STARD9: variants seen among roughly 807,000 people sequenced by gnomAD.
STARD9 encodes StAR related lipid transfer domain containing 9.
In STARD9, 346 loss-of-function variants were observed where a neutral mutation model predicts 399.8. The observed-to-expected ratio is 0.87, with a 90% confidence interval of 0.79 to 0.95. The LOEUF (loss-of-function observed/expected upper bound fraction) is 0.95. STARD9 is among the 40% of genes least tolerant of loss of function. STARD9 has a pLI of 0.00. For synonymous variants in STARD9, 2,203 were observed against 2,143.5 expected (o/e 1.03, Z -0.77); for missense variants, 5,832 against 5,667.5 (o/e 1.03, Z -0.93).
chr15:42,612,090 C>T (rs1595632809), intron 3 of STARD9, among the ~76,000 whole-genome samples: 1 of 152,128 alleles, frequency 6.6e-6, no homozygotes, highest in Non-Finnish European at 1.5e-5. Context: ...TGTCTCAGGG[C>T]CTTAGCCTCC....
intron 26 of STARD9, among the ~76,000 whole-genome samples, chr15:42,711,914 C>G: frequency 6.8e-6 from 1 of 147,068 alleles, no homozygotes; most frequent in Non-Finnish European, 1.5e-5. Context: ...TACCTTCCCA[C>G]GAGCAGTATA....
At chr15:42,609,186 A>G (rs952814358) in intron 3 of STARD9, among the ~76,000 whole-genome samples, 8 of 152,184 alleles carry the variant, frequency 5.3e-5, no homozygotes, top group Non-Finnish European at 1.0e-4. Flanking sequence ...CAAAGAGAAA[A>G]CTAAAAGCTA....
chr15:42,716,922 T>G lies in STARD9; in HGVS notation c.13373-5T>G. 6.5e-7 allele frequency: 1 copy of G among 1,537,212 alleles called. No homozygotes were observed. The highest frequency in any genetic ancestry group is 1.2e-5 in the South Asian group (1 of 84,064). ...TATCACAGGGCCTCCACCTATTTCTTGTAGGCCACAGAGCCTCCCTGGGCA... is the reference window on the plus strand; with the variant it reads ...TATCACAGGGCCTCCACCTATTTCTGGTAGGCCACAGAGCCTCCCTGGGCA... On this transcript the variant is annotated splice_region_variant and splice_polypyrimidine_tract_variant and intron_variant, in intron 27 of 32. Transcript: ENST00000290607.
At chr15:42,700,488 A>G (rs1025965885) in intron 26 of STARD9, among the ~76,000 whole-genome samples, 4 of 152,128 alleles carry the variant, frequency 2.6e-5, no homozygotes, top group African/African-American at 7.2e-5. Flanking sequence ...GAGCGAAGTG[A>G]TATTTCATTG....
At chr15:42,643,518 C>A (rs2059582908) in intron 7 of STARD9, among the ~76,000 whole-genome samples, 1 of 151,624 alleles carries the variant, frequency 6.6e-6, no homozygotes, top group Non-Finnish European at 1.5e-5. Context: ...TAAAAAAAAA[C>A]AGAGTCTCGC....
In STARD9 at chr15:42,691,432, C is replaced by T; in HGVS notation, c.9854C>T (p.Ala3285Val). Residue 3285 changes from alanine (A) to valine (V), a missense_variant, in exon 23 of 33, where the codon GCT (alanine) becomes GTT (valine). Around this residue, in one of 2 missense-constraint regions of STARD9, gnomAD observed 5,828 missense variants for 5,651.1 expected, o/e 1.03. Coordinates refer to ENST00000290607, the MANE Select transcript of STARD9 (RefSeq NM_020759.3). ...LRQNETPQPA[A>V]QRSGHLYTGR... ...CAAAATGAAACACCGCAGCCTGCTG[C>T]TCAGAGGAGTGGCCACCTCTACACT... The T allele has an allele frequency of 6.5e-7, 1 of 1,537,248 alleles. No individual in the cohort carries two copies. The highest frequency in any genetic ancestry group is 8.7e-7 in the Non-Finnish European group (1 of 1,146,900).
At chr15:42,705,142 G>T (rs534046998) in intron 26 of STARD9, among the ~76,000 whole-genome samples, 1 of 152,288 alleles carries the variant, frequency 6.6e-6, no homozygotes, top group Admixed American at 6.5e-5. Context: ...GGGCTCTAAG[G>T]CAAAGTCCCA....
chr15:42,713,271 A>G (rs2061284301), intron 26 of STARD9, among the ~76,000 whole-genome samples: 1 of 152,180 alleles, frequency 6.6e-6, no homozygotes, highest in Non-Finnish European at 1.5e-5. Flanking sequence ...ATTGATTTTT[A>G]TATATCGTTC....
chr15:42,685,623 A>T lies in STARD9; in HGVS notation c.4045A>T (p.Ser1349Cys), dbSNP rs2060534948. Residue 1349 changes from serine to cysteine, a missense_variant, in exon 23 of 33, where the codon AGC becomes TGC. Coordinates refer to ENST00000290607, the MANE Select transcript of STARD9 (RefSeq NM_020759.3). ...FSCDSKINPS[S>C]PPGIVGSLCP... is the part of the protein sequence containing the mutation. Reference sequence around the variant, plus strand: ...CTGTGACTCTAAGATCAACCCCAGCAGCCCCCCAGGAATAGTGGGTTCTTT... The same window carrying T: ...CTGTGACTCTAAGATCAACCCCAGCTGCCCCCCAGGAATAGTGGGTTCTTT... 1 of 1,537,328 alleles carries T rather than the reference A, an allele frequency of 6.5e-7. No homozygotes were observed. Among genetic ancestry groups the T allele is most frequent in the Admixed American group, 2.0e-5 (1 of 50,988 alleles).
In STARD9 at chr15:42,692,439, C is replaced by T; in HGVS notation, c.10861C>T (p.Leu3621=). The change falls in exon 23 of 33, where the codon CTG becomes TTG. Residue 3621 remains leucine, a synonymous_variant. Transcript: ENST00000290607. ...AGGTCCAGTGGATGAGATTATGCTG[C>T]TGTATCCATCAGAGGCAGGCTGCCC... ...AAGPVDEIML[L]YPSEAGCPVG... The T allele has an allele frequency of 6.5e-7, 1 of 1,537,116 alleles. No individual in the cohort carries two copies. The highest frequency in any genetic ancestry group is 8.7e-7 in the Non-Finnish European group (1 of 1,146,910).
intron 4 of STARD9, among the ~76,000 whole-genome samples, chr15:42,637,064 CA>C (rs1273655750): frequency 1.1e-5 from 1 of 94,896 alleles, no homozygotes; most frequent in African/African-American, 4.0e-5. Context: ...AACTCCATTT[CA>C]AAAAAATAAT....
chr15:42,648,441 GCA>G (rs2059688915), intron 7 of STARD9, among the ~76,000 whole-genome samples: 1 of 152,160 alleles, frequency 6.6e-6, no homozygotes, highest in Non-Finnish European at 1.5e-5. Flanking sequence ...GGGATTACAG[GCA>G]TGAGCCCCCA....
chr15:42,674,471 C>T lies in STARD9; in HGVS notation c.1529C>T (p.Ser510Leu), dbSNP rs771175540. 13 of 1,537,132 alleles carry T rather than the reference C, an allele frequency of 8.5e-6. No homozygotes were observed. In the South Asian group the frequency reaches 1.5e-4, roughly 18 times the overall value. The change falls in exon 17 of 33, where the codon TCA (serine) becomes TTA (leucine). Residue 510 changes from serine to leucine, a missense_variant. Ser to Leu is a moderately radical substitution (Grantham distance 145). This residue lies in a region of STARD9 where 5,828 missense variants were observed against 5,651.1 expected (regional missense o/e 1.03). Transcript: ENST00000290607. Reference protein sequence around the residue: ...EGTTKIGRIDSDQEQDIVLQG... With the variant: ...EGTTKIGRIDLDQEQDIVLQG... ...ACAACAAAAATAGGAAGGATTGACT[C>T]AGACCAGGAACAGGACATTGGTAAG...
chr15:42,656,135 C>T (rs2059864202), intron 9 of STARD9, among the ~76,000 whole-genome samples: 1 of 151,966 alleles, frequency 6.6e-6, no homozygotes, highest in Non-Finnish European at 1.5e-5. Flanking sequence ...GCAGGTGGAT[C>T]ACCTGAGGTC....
intron 26 of STARD9, among the ~76,000 whole-genome samples, chr15:42,716,291 T>G (rs1466452450): frequency 2.0e-5 from 3 of 152,172 alleles, no homozygotes; most frequent in African/African-American, 7.2e-5. Context: ...CCACATTTAT[T>G]ACCCCGTTAA....
intron 1 of STARD9, among the ~76,000 whole-genome samples, chr15:42,578,256 G>A (rs956372146): frequency 8.6e-5 from 13 of 151,940 alleles, no homozygotes; most frequent in Admixed American, 1.3e-4. Context: ...GATTATAGGC[G>A]CCTGCCACCA....
chr15:42,604,750 C>T (rs1246989161), intron 3 of STARD9, among the ~76,000 whole-genome samples: 2 of 148,656 alleles, frequency 1.3e-5, no homozygotes, highest in African/African-American at 5.0e-5. Flanking sequence ...CTCAAGCAAT[C>T]CTCCCAACTT....
chr15:42,631,170 A>T (rs2059325355), intron 3 of STARD9, among the ~76,000 whole-genome samples: 1 of 151,950 alleles, frequency 6.6e-6, no homozygotes, highest in Non-Finnish European at 1.5e-5. Context: ...AAGATGCATT[A>T]TTAGGTTATT....
intron 7 of STARD9, among the ~76,000 whole-genome samples, chr15:42,650,575 T>C (rs2059740883): frequency 6.6e-6 from 1 of 152,212 alleles, no homozygotes; most frequent in Non-Finnish European, 1.5e-5. Flanking sequence ...TAGTGTAACT[T>C]ACCATGATTG....
Sources: gnomAD v4.1 joint callset for allele counts (sites outside exome capture counted in the v4.1 genomes callset) on GRCh38, gnomAD v4.1.1 for gene constraint, gnomAD v4.1.1 regional missense constraint, MANE v1.5 for transcripts, NCBI Gene and HGNC (gene_info 2026-07-23, HGNC 2026-07-21) for gene names.